The following BICC1 variants were observed in gnomAD, a reference collection of about 807,000 sequenced individuals.
BICC1 encodes the protein BicC family RNA binding protein 1.
In BICC1, 43 loss-of-function variants were observed where a neutral mutation model predicts 111.0. That is an observed-to-expected ratio of 0.39 (90% CI 0.30 to 0.50). The LOEUF (loss-of-function observed/expected upper bound fraction) is 0.50. Among genes scored for constraint, BICC1 ranks in the 20% least tolerant of loss-of-function variants. The pLI is 0.88. For synonymous variants in BICC1, 467 were observed against 434.4 expected (o/e 1.07, Z -0.93); for missense variants, 1,091 against 1,203.2 (o/e 0.91, Z 1.38).
At chr10:58,627,048 G>A (rs1837654345) in intron 2 of BICC1, among the ~76,000 whole-genome samples, 1 of 152,062 alleles carries the variant, frequency 6.6e-6, no homozygotes, top group Non-Finnish European at 1.5e-5. Flanking sequence ...GTTACAGTGA[G>A]CCAAGATTGT....
At chr10:58,627,102 CA>C (rs547590404) in intron 2 of BICC1, among the ~76,000 whole-genome samples, 98 of 139,362 alleles carry the variant, frequency 7.0e-4, no homozygotes, top group South Asian at 6.7e-4. Context: ...AACTCCATCT[CA>C]AAAAAAAAAA....
At chr10:58,552,391 A>C (rs1179880560) in intron 1 of BICC1, among the ~76,000 whole-genome samples, 2 of 151,918 alleles carry the variant, frequency 1.3e-5, no homozygotes, top group East Asian at 3.9e-4. Context: ...GCTGGAGTGC[A>C]GTGGTGTGAT....
At chr10:58,659,838 A>T (rs1233349258) in intron 2 of BICC1, among the ~76,000 whole-genome samples, 1 of 152,236 alleles carries the variant, frequency 6.6e-6, no homozygotes, top group East Asian at 1.9e-4. Context: ...TCTGAGAAAC[A>T]GAAGCACTTG....
chr10:58,553,080 A>G (rs1388876783), intron 1 of BICC1, among the ~76,000 whole-genome samples: 3 of 152,038 alleles, frequency 2.0e-5, no homozygotes, highest in Non-Finnish European at 4.4e-5. Flanking sequence ...GGGCTTGTTC[A>G]TCCCTATAAT....
At chr10:58,649,126 G>A (rs1838361995) in intron 2 of BICC1, among the ~76,000 whole-genome samples, 1 of 152,186 alleles carries the variant, frequency 6.6e-6, no homozygotes, top group African/African-American at 2.4e-5. Flanking sequence ...TGGGAAATGG[G>A]TAGGCCCCAT....
chr10:58,549,856 T>G (rs961159789), intron 1 of BICC1, among the ~76,000 whole-genome samples: 1 of 151,900 alleles, frequency 6.6e-6, no homozygotes, highest in Non-Finnish European at 1.5e-5. Context: ...CGGCTAATTT[T>G]TTTGTATTTT....
chr10:58,796,277 C>T (rs1360569596), intron 9 of BICC1, 63 bp from the exon 10 acceptor site: 1 of 1,405,416 alleles, frequency 7.1e-7, no homozygotes, highest in Non-Finnish European at 9.9e-7. Flanking sequence ...CCTCCCTCCC[C>T]TCCCCCATTC....
chr10:58,547,943 T>C (rs1008618575), intron 1 of BICC1, among the ~76,000 whole-genome samples: 1 of 152,196 alleles, frequency 6.6e-6, no homozygotes, highest in African/African-American at 2.4e-5. Flanking sequence ...TGGTTTCTTT[T>C]ATTGGAGACT....
At chr10:58,583,994 G>A (rs1302113190) in intron 1 of BICC1, among the ~76,000 whole-genome samples, 1 of 150,856 alleles carries the variant, frequency 6.6e-6, no homozygotes, top group African/African-American at 2.4e-5. Context: ...TATTGTTATG[G>A]TTTGTAATTG....
intron 1 of BICC1, among the ~76,000 whole-genome samples, chr10:58,533,418 C>A (rs1393583262): frequency 1.3e-5 from 2 of 151,772 alleles, no homozygotes; most frequent in South Asian, 2.1e-4. Context: ...ATGGTTGATA[C>A]AATCACTTAC....
chr10:58,711,212 G>C (rs952511312), intron 3 of BICC1, among the ~76,000 whole-genome samples: 10 of 152,128 alleles, frequency 6.6e-5, no homozygotes, highest in African/African-American at 2.4e-4. Flanking sequence ...TGCTAATCGA[G>C]GGCCAAGAGT....
Position 58,817,645 on chromosome 10 carries a change from T to G in BICC1, c.2617T>G (p.Phe873Val). 1 of 1,613,554 alleles carries G rather than the reference T, an allele frequency of 6.2e-7. No homozygotes were observed. The highest frequency in any genetic ancestry group is 8.5e-7 in the Non-Finnish European group (1 of 1,179,644). ...CAATGGCTGTAACTTAAATAGCTCTTTCAAAGGTTCTGACCTCCCTGAGCT... is the reference window on the plus strand; with the variant it reads ...CAATGGCTGTAACTTAAATAGCTCTGTCAAAGGTTCTGACCTCCCTGAGCT... ...GSNGCNLNSS[F>V]KGSDLPELFS... Residue 873 changes from phenylalanine to valine, a missense_variant, in exon 19 of 21, where the codon TTC becomes GTC. Physicochemically the swap from Phe to Val is conservative, Grantham distance 50 (BLOSUM62 -1). Around this residue, in one of 3 missense-constraint regions of BICC1, gnomAD observed 231 missense variants for 256.2 expected, o/e 0.90. Coordinates refer to ENST00000373886, the MANE Select transcript of BICC1 (RefSeq NM_001080512.3).
intron 3 of BICC1, among the ~76,000 whole-genome samples, chr10:58,781,889 A>G (rs141248169): frequency 0.014 from 2,170 of 152,284 alleles, 62 homozygotes; most frequent in African/African-American, 0.05. Flanking sequence ...CACTTTAGCA[A>G]TCTAAACCAG....
intron 1 of BICC1, among the ~76,000 whole-genome samples, chr10:58,542,956 T>C (rs1658457): frequency 0.46 from 69,858 of 151,826 alleles, 17,130 homozygotes; most frequent in Admixed American, 0.62. Flanking sequence ...GAAAATGATA[T>C]AGAGGCTCCT....
chr10:58,829,168 C>CCTATATAACATAT lies in BICC1; in HGVS notation c.*278_*290dup, dbSNP rs1361292370. 2 of 193,902 alleles carry CCTATATAACATAT rather than the reference C, an allele frequency of 1.0e-5. No individual in the cohort carries two copies. The highest frequency in any genetic ancestry group is 5.5e-5 in the African/African-American group (2 of 36,106). The allele number at this position is 193,902 out of a possible 1,614,324, so 12.0% of individuals were successfully genotyped here. On this transcript the variant is annotated 3_prime_UTR_variant, in exon 21 of 21. Coordinates refer to ENST00000373886, the MANE Select transcript of BICC1 (RefSeq NM_001080512.3). ...GGGCTTTATTTCCTGTTTTTATTTA[C>CCTATATAACATAT]CTATATAACATATGCACTGATGATT...
chr10:58,567,768 G>A (rs993688142), intron 1 of BICC1, among the ~76,000 whole-genome samples: 1 of 151,900 alleles, frequency 6.6e-6, no homozygotes. Context: ...CATTTATAAA[G>A]TTCCTGCTAT....
intron 3 of BICC1, among the ~76,000 whole-genome samples, chr10:58,778,949 A>G (rs1277903118): frequency 2.0e-5 from 3 of 152,196 alleles, no homozygotes; most frequent in Non-Finnish European, 4.4e-5. Flanking sequence ...ACAGGCTTCT[A>G]GTCGTCCTGT....
At chr10:58,788,845 G>A (rs1843089114) in intron 6 of BICC1, among the ~76,000 whole-genome samples, 1 of 152,176 alleles carries the variant, frequency 6.6e-6, no homozygotes, top group Non-Finnish European at 1.5e-5. Flanking sequence ...CAGCACTTTG[G>A]GAGGCCAAGG....
At chr10:58,516,541 A>G (rs575684379) in intron 1 of BICC1, among the ~76,000 whole-genome samples, 14 of 152,266 alleles carry the variant, frequency 9.2e-5, no homozygotes, top group African/African-American at 3.1e-4. Context: ...CGAAACAACC[A>G]TGCAGAGTAT....
Sources: gnomAD v4.1 joint callset for allele counts (sites outside exome capture counted in the v4.1 genomes callset) on GRCh38, gnomAD v4.1.1 for gene constraint, gnomAD v4.1.1 regional missense constraint, MANE v1.5 for transcripts, NCBI Gene and HGNC (gene_info 2026-07-23, HGNC 2026-07-21) for gene names.